The following SLC4A5 variants were observed in gnomAD, a reference collection of about 807,000 sequenced individuals.
SLC4A5 encodes solute carrier family 4 member 5.
Under a neutral mutation model 120.4 loss-of-function variants are expected in SLC4A5, and 96 were observed. That is an observed-to-expected ratio of 0.80 (90% CI 0.68 to 0.94). SLC4A5 has a LOEUF of 0.94. SLC4A5 is among the 40% of genes least tolerant of loss of function. SLC4A5 has a pLI of 0.00. For missense variants in SLC4A5, 1,259 were observed against 1,459.5 expected (o/e 0.86, Z 2.24); for synonymous variants, 550 against 571.1 (o/e 0.96, Z 0.53).
chr2:74,251,336 T>A (rs1438228824), intron 16 of SLC4A5, among the ~76,000 whole-genome samples: 1 of 152,104 alleles, frequency 6.6e-6, no homozygotes, highest in Non-Finnish European at 1.5e-5. Context: ...ATATAAAACA[T>A]GACTTCATTC....
rs537967260 is a variant in SLC4A5, at chr2:74,258,920, C to T, written c.867+668G>A. The stretch of plus-strand genomic sequence containing the variant: ...AGGCTCCTCGCCAAGTCTCAGGTTT[C>T]CTTTGTCATCTTTCTTCCTACTCCT... On this transcript the variant is annotated intron_variant, in intron 12 of 30. Transcript: ENST00000394019. Among the ~76,000 whole-genome samples the T allele has an allele frequency of 2.6e-5, 4 of 152,288 alleles. No homozygotes were observed. In the South Asian group the frequency reaches 8.3e-4, roughly 32 times the overall value.
chr2:74,243,046 T>G (rs1282440458), intron 19 of SLC4A5, among the ~76,000 whole-genome samples: 1 of 152,228 alleles, frequency 6.6e-6, no homozygotes, highest in African/African-American at 2.4e-5. Flanking sequence ...TGAGGAAAGT[T>G]AAACCAAAGT....
At chr2:74,253,567 G>T (rs538156634) in intron 14 of SLC4A5, among the ~76,000 whole-genome samples, 1 of 151,832 alleles carries the variant, frequency 6.6e-6, no homozygotes, top group African/African-American at 2.4e-5. Context: ...TTACAGATTC[G>T]ATGGGACTAT....
chr2:74,234,635 C>T (rs1163212221), intron 22 of SLC4A5, among the ~76,000 whole-genome samples: 3 of 152,240 alleles, frequency 2.0e-5, no homozygotes, highest in African/African-American at 2.4e-5. Context: ...TCCCACCCCC[C>T]AGCTTTTCTG....
At chr2:74,273,111 G>A (rs997572827) in intron 8 of SLC4A5, among the ~76,000 whole-genome samples, 4 of 152,194 alleles carry the variant, frequency 2.6e-5, no homozygotes, top group African/African-American at 7.2e-5. Flanking sequence ...CTGACAATCA[G>A]ACATCAATAT....
chr2:74,283,078 C>T (rs969462922), intron 8 of SLC4A5, among the ~76,000 whole-genome samples: 6 of 152,214 alleles, frequency 3.9e-5, no homozygotes, highest in Non-Finnish European at 8.8e-5. Context: ...AACAGAATTG[C>T]TTCCAGACCT....
At chr2:74,228,205 T>A (rs1194627291) in intron 25 of SLC4A5, among the ~76,000 whole-genome samples, 1 of 152,226 alleles carries the variant, frequency 6.6e-6, no homozygotes, top group African/African-American at 2.4e-5. Flanking sequence ...CCCCTCCTCA[T>A]TCCTGCCCAG....
intron 5 of SLC4A5, among the ~76,000 whole-genome samples, chr2:74,319,023 G>A (rs567677429): frequency 3.0e-4 from 45 of 152,182 alleles, no homozygotes; most frequent in Admixed American, 2.4e-3. Flanking sequence ...ATAATGGAAT[G>A]CTAATCAGTC....
chr2:74,255,889 G>A lies in SLC4A5; in HGVS notation c.911C>T (p.Ala304Val), dbSNP rs768439268. The A allele has an allele frequency of 5.6e-6, 9 of 1,614,102 alleles. No homozygotes were observed. The highest frequency in any genetic ancestry group is 3.3e-4 in the Middle Eastern group (2 of 6,062). The change falls in exon 13 of 31, where the codon GCG becomes GTG. Residue 304 changes from alanine (A) to valine (V), a missense_variant. Ala to Val is a moderately conservative substitution (Grantham distance 64). Coordinates refer to ENST00000394019, the Ensembl canonical transcript of SLC4A5. This position sits in a 1 kb window ranked among gnomAD's most constrained non-coding sequence, Gnocchi z 4.0. ...CACCTCGCCCACGAGCACGTTGGAC[G>A]CTTCTGAGTCCTTGGGGATCTTCTT...
At chr2:74,319,975 T>C (rs1436451570) in intron 5 of SLC4A5, among the ~76,000 whole-genome samples, 3 of 152,198 alleles carry the variant, frequency 2.0e-5, no homozygotes, top group South Asian at 4.1e-4. Context: ...CAGAATGCTA[T>C]AAACCTATGA....
intron 25 of SLC4A5, among the ~76,000 whole-genome samples, chr2:74,229,262 G>T (rs992013275): frequency 6.8e-6 from 1 of 147,722 alleles, no homozygotes; most frequent in Non-Finnish European, 1.5e-5. Context: ...TTTTTTTTGG[G>T]GGGGGCACGG....
At chr2:74,248,292 A>G in intron 18 of SLC4A5, 61 bp downstream of exon 18, 1 of 1,592,988 alleles carries the variant, frequency 6.3e-7, no homozygotes, top group Non-Finnish European at 8.6e-7. Flanking sequence ...CCCCTGCCCT[A>G]GCCCCAGCAT....
At chr2:74,229,267 G>T (rs529593218) in intron 25 of SLC4A5, among the ~76,000 whole-genome samples, 8 of 146,524 alleles carry the variant, frequency 5.5e-5, no homozygotes, top group African/African-American at 2.0e-4. Flanking sequence ...TTTGGGGGGG[G>T]CACGGAGTCT....
intron 12 of SLC4A5, among the ~76,000 whole-genome samples, chr2:74,256,293 C>G (rs1166157681): frequency 6.6e-6 from 1 of 152,220 alleles, no homozygotes; most frequent in Non-Finnish European, 1.5e-5. Flanking sequence ...AGATGGGAGT[C>G]TCAGTGCTTC....
intron 26 of SLC4A5, 101 bp downstream of exon 26, chr2:74,227,709 T>G: frequency 8.2e-7 from 1 of 1,217,528 alleles, no homozygotes; most frequent in South Asian, 1.5e-5. Context: ...TTAGGACAAT[T>G]GGGGACAATT....
intron 6 of SLC4A5, among the ~76,000 whole-genome samples, chr2:74,310,522 T>C (rs1257814625): frequency 6.6e-6 from 1 of 152,214 alleles, no homozygotes. Flanking sequence ...AGGTGTTGGA[T>C]TTTGTCAAAT....
At chr2:74,258,492 T>A (rs1410257670) in intron 12 of SLC4A5, among the ~76,000 whole-genome samples, 1 of 152,236 alleles carries the variant, frequency 6.6e-6, no homozygotes. Flanking sequence ...AGTTGCACTG[T>A]CTGTATGCAT....
chr2:74,325,312 C>T (rs1673193109), intron 5 of SLC4A5, among the ~76,000 whole-genome samples: 1 of 152,172 alleles, frequency 6.6e-6, no homozygotes, highest in African/African-American at 2.4e-5. Context: ...AAGTATGGAG[C>T]TATAATGTAG....
intron 20 of SLC4A5, among the ~76,000 whole-genome samples, chr2:74,239,974 T>C (rs1670385661): frequency 6.6e-6 from 1 of 151,514 alleles, no homozygotes; most frequent in Non-Finnish European, 1.5e-5. Context: ...CTCAGATGCC[T>C]AAAATCCAAG....
Sources: allele counts gnomAD v4.1 joint callset (sites outside exome capture counted in the v4.1 genomes callset), GRCh38; gene constraint gnomAD v4.1.1; non-coding constraint Gnocchi (gnomAD v3.1); transcripts MANE v1.5; gene names NCBI Gene and HGNC (gene_info 2026-07-23, HGNC 2026-07-21).